The following MID1 variants were observed in gnomAD, a reference collection of about 807,000 sequenced individuals.
MID1 encodes the protein E3 ubiquitin-protein ligase Midline-1.
MID1 carries 7 observed loss-of-function variants against 40.4 expected under a neutral mutation model. The observed-to-expected ratio is 0.17, with a 90% confidence interval of 0.10 to 0.33. MID1 has a LOEUF of 0.33. Ranked by LOEUF, MID1 falls within the 10% of genes least tolerant of loss-of-function variation. The pLI is 1.00. For missense variants in MID1, 367 were observed against 558.5 expected, an observed-to-expected ratio of 0.66 and a Z score of 3.46; for synonymous variants, 229 against 221.2, an observed-to-expected ratio of 1.04 and a Z score of -0.31.
intron 1 of MID1, among the ~76,000 whole-genome samples, chrX:10,585,125 T>C (rs1327313778): frequency 9.0e-6 from 1 of 111,460 alleles, no homozygotes; most frequent in Non-Finnish European, 1.9e-5. Flanking sequence ...ACTACCAGGC[T>C]TGGGTCAGGC....
chrX:10,749,832 G>C (rs2043586005), intron 1 of MID1, among the ~76,000 whole-genome samples: 1 of 111,625 alleles, frequency 9.0e-6, no homozygotes, highest in African/African-American at 3.3e-5. Flanking sequence ...CAAAGAGATG[G>C]TGCTAAACCA....
intron 2 of MID1, among the ~76,000 whole-genome samples, chrX:10,543,328 G>A (rs1933547668): frequency 8.9e-6 from 1 of 111,947 alleles, no homozygotes; most frequent in African/African-American, 3.2e-5. Flanking sequence ...TTTTTCCACA[G>A]TCCTCCTTGT....
At chrX:10,609,180 T>C (rs1054096726) in intron 1 of MID1, among the ~76,000 whole-genome samples, 2 of 108,790 alleles carry the variant, frequency 1.8e-5, no homozygotes, top group African/African-American at 3.4e-5. Flanking sequence ...CACACACACA[T>C]TTGTCTAAAG....
intron 1 of MID1, among the ~76,000 whole-genome samples, chrX:10,579,185 A>C (rs979459976): frequency 8.9e-6 from 1 of 112,080 alleles, no homozygotes. Context: ...CTGCCTGCTC[A>C]TATCTGCAAA....
At chrX:10,769,583 A>C (rs1459960473) in intron 1 of MID1, among the ~76,000 whole-genome samples, 1 of 112,178 alleles carries the variant, frequency 8.9e-6, no homozygotes, top group Non-Finnish European at 1.9e-5. Context: ...AGAAGCACAC[A>C]AGAACTGAAA....
chrX:10,561,611 T>C lies in MID1; in HGVS notation c.660+5277A>G, dbSNP rs142989918. ...GACATTTATGCAGCCAACAAACATATGAAGAAAAAAAGCTCATCATCACTG... is the reference window on the plus strand; with the variant it reads ...GACATTTATGCAGCCAACAAACATACGAAGAAAAAAAGCTCATCATCACTG... On this transcript the variant is annotated intron_variant, in intron 2 of 9. Coordinates refer to ENST00000317552, the MANE Select transcript of MID1 (RefSeq NM_000381.4). 7.2e-3 allele frequency among the ~76,000 whole-genome samples: 769 copies of C among 106,510 alleles called. 99 individuals are homozygous for C. The highest frequency in any genetic ancestry group is 0.027 in the African/African-American group (728 of 26,629). The allele number at this position is 106,510 out of a possible 115,157, so 92.5% of individuals were successfully genotyped here. A position where few individuals can be genotyped will look rare whatever the true frequency, so the allele number is the denominator to read the frequency against.
intron 4 of MID1, among the ~76,000 whole-genome samples, chrX:10,484,388 A>G (rs1327346384): frequency 8.9e-6 from 1 of 112,531 alleles, no homozygotes; most frequent in Non-Finnish European, 1.9e-5. Flanking sequence ...CCTATTAAAG[A>G]CCACACACAT....
chrX:10,569,751 T>C (rs1464811669), intron 1 of MID1, among the ~76,000 whole-genome samples: 1 of 111,552 alleles, frequency 9.0e-6, no homozygotes. Context: ...TGAGAATTTC[T>C]AGAAAGGATT....
chrX:10,584,948 G>T (rs1434613894), intron 1 of MID1, among the ~76,000 whole-genome samples: 3 of 110,958 alleles, frequency 2.7e-5, no homozygotes, highest in African/African-American at 9.9e-5. Context: ...ACTCTAAGGT[G>T]GGGGGGTCCA....
chrX:10,740,690 G>A (rs1178082390), intron 1 of MID1, among the ~76,000 whole-genome samples: 3 of 110,804 alleles, frequency 2.7e-5, no homozygotes, highest in Non-Finnish European at 5.7e-5. Context: ...CTGTTGTTAG[G>A]ATTGAATATA....
In MID1 at chrX:10,448,416, C is replaced by T. The variant is rs759358020; in HGVS notation, c.*952G>A. ...CAGAACATGTTTATTTACTCAGCCC[C>T]GGAGACAAAAGGAAAATTGATATGG... On this transcript the variant is annotated 3_prime_UTR_variant, in exon 10 of 10. Coordinates refer to ENST00000317552, the MANE Select transcript of MID1 (RefSeq NM_000381.4). 2.7e-5 allele frequency: 3 copies of T among 110,497 alleles called. No individual in the cohort carries two copies. The highest frequency in any genetic ancestry group is 6.6e-5 in the African/African-American group (2 of 30,278). 9.1% of individuals were successfully genotyped at this position (110,497 alleles called of 1,213,427 possible).
intron 9 of MID1, among the ~76,000 whole-genome samples, chrX:10,451,430 T>A (rs541466421): frequency 8.9e-6 from 1 of 111,888 alleles, no homozygotes; most frequent in Non-Finnish European, 1.9e-5. Context: ...CAGCTCATCA[T>A]GACTCCATGA....
intron 1 of MID1, among the ~76,000 whole-genome samples, chrX:10,661,734 T>C (rs1211599191): frequency 8.9e-6 from 1 of 112,361 alleles, no homozygotes; most frequent in East Asian, 2.8e-4. Flanking sequence ...CTTAGAATAT[T>C]ACTATTACAG....
intron 7 of MID1, among the ~76,000 whole-genome samples, chrX:10,460,313 G>A (rs558948557): frequency 6.0e-4 from 67 of 111,369 alleles, no homozygotes; most frequent in African/African-American, 2.0e-3. Flanking sequence ...ACCAAGCAGC[G>A]ATCAGCCAAC....
At chrX:10,680,742 G>T (rs2043053433) in intron 1 of MID1, among the ~76,000 whole-genome samples, 2 of 110,849 alleles carry the variant, frequency 1.8e-5, no homozygotes, top group Admixed American at 1.9e-4. Context: ...ATAATATTGA[G>T]GAAATAAGGT....
At chrX:10,463,106 A>G (rs1929146244) in intron 7 of MID1, among the ~76,000 whole-genome samples, 1 of 112,472 alleles carries the variant, frequency 8.9e-6, no homozygotes, top group Non-Finnish European at 1.9e-5. Flanking sequence ...AACGTGGCAA[A>G]CGTTGTAAAA....
At chrX:10,661,536 A>G (rs1362770557) in intron 1 of MID1, among the ~76,000 whole-genome samples, 6 of 109,874 alleles carry the variant, frequency 5.5e-5, no homozygotes, top group African/African-American at 2.0e-4. Context: ...GATGGTCTCA[A>G]TCTCCTGACC....
intron 1 of MID1, among the ~76,000 whole-genome samples, chrX:10,626,067 G>A (rs997752417): frequency 9.1e-6 from 1 of 110,396 alleles, no homozygotes; most frequent in Non-Finnish European, 1.9e-5. Context: ...CAATATGTGA[G>A]GCTATTATTA....
chrX:10,602,496 G>C (rs768459979), intron 1 of MID1, among the ~76,000 whole-genome samples: 2 of 109,793 alleles, frequency 1.8e-5, no homozygotes, highest in Non-Finnish European at 3.8e-5. Context: ...CCTATCCCCC[G>C]GCAACCACGA....
Sources: allele counts gnomAD v4.1 joint callset (sites outside exome capture counted in the v4.1 genomes callset), GRCh38; gene constraint gnomAD v4.1.1; transcripts MANE v1.5; gene names NCBI Gene and HGNC (gene_info 2026-07-23, HGNC 2026-07-21).